Variants in PPM1L observed in about 807,000 individuals in gnomAD.
PPM1L encodes the protein protein phosphatase 1L.
A neutral mutation model predicts 31.4 loss-of-function variants in PPM1L; 13 were observed. That is an observed-to-expected ratio of 0.41 (90% confidence interval 0.27 to 0.66). The LOEUF (loss-of-function observed/expected upper bound fraction) is 0.66, where lower values mean the gene tolerates loss of function less well. PPM1L is among the 30% of genes least tolerant of loss of function. PPM1L has a pLI of 0.29. For missense variants in PPM1L, 326 were observed against 453.7 expected, an observed-to-expected ratio of 0.72 and a Z score of 2.56; for synonymous variants, 184 against 175.4, an observed-to-expected ratio of 1.05 and a Z score of -0.39.
chr3:161,074,945 A>G lies in PPM1L; in HGVS notation c.*5788A>G, dbSNP rs1576630804. The G allele has an allele frequency of 6.6e-6, 1 of 152,222 alleles. No individual in the cohort carries two copies. Among genetic ancestry groups the G allele is most frequent in the East Asian group, 1.9e-4 (1 of 5,174 alleles). The allele number at this position is 152,222 out of a possible 1,614,324, so 9.4% of individuals were successfully genotyped here. ...AAGTCCTATAACCTTGCATTATTTA[A>G]ACACAAAATCCCACCTAACATTTGC... On this transcript the variant is annotated 3_prime_UTR_variant, in exon 4 of 4. Transcript: ENST00000498165.
At chr3:161,037,945 TGAC>T in intron 2 of PPM1L, among the ~76,000 whole-genome samples, 1 of 152,116 alleles carries the variant, frequency 6.6e-6, no homozygotes, top group Admixed American at 6.5e-5. Flanking sequence ...TAAAAATGTA[TGAC>T]AGTGGCCGGG....
chr3:160,852,926 G>A (rs1438436711), intron 1 of PPM1L, among the ~76,000 whole-genome samples: 1 of 152,132 alleles, frequency 6.6e-6, no homozygotes, highest in Non-Finnish European at 1.5e-5. Context: ...TAAACTTGGT[G>A]GCTTAAAACA....
intron 2 of PPM1L, among the ~76,000 whole-genome samples, chr3:161,039,314 C>T (rs1718840168): frequency 6.6e-6 from 1 of 152,084 alleles, no homozygotes. Context: ...TGCCTCTCAC[C>T]AATTAAGAAT....
At chr3:160,825,511 G>T (rs1713329825) in intron 1 of PPM1L, among the ~76,000 whole-genome samples, 2 of 152,068 alleles carry the variant, frequency 1.3e-5, no homozygotes, top group African/African-American at 2.4e-5. Flanking sequence ...TGCATCCTCT[G>T]ATCTCATGAG....
At chr3:160,758,632 G>A (rs556227874) in intron 1 of PPM1L, among the ~76,000 whole-genome samples, 2 of 152,242 alleles carry the variant, frequency 1.3e-5, no homozygotes, top group East Asian at 3.9e-4. Context: ...AGTTGATACT[G>A]TAAAACCTGA....
At chr3:160,772,550 T>C (rs936742308) in intron 1 of PPM1L, among the ~76,000 whole-genome samples, 4 of 152,210 alleles carry the variant, frequency 2.6e-5, no homozygotes, top group African/African-American at 9.6e-5. Flanking sequence ...TTTAAAAATA[T>C]CTTTACTGAA....
At chr3:160,772,478 A>G (rs1284411281) in intron 1 of PPM1L, among the ~76,000 whole-genome samples, 1 of 152,216 alleles carries the variant, frequency 6.6e-6, no homozygotes, top group Non-Finnish European at 1.5e-5. Context: ...TTTATGATAA[A>G]GGGAGAAGGT....
At position 161,072,157 on chromosome 3, in the gene PPM1L, G is replaced by A. The variant is rs1719944237; in HGVS notation, c.*3000G>A. The stretch of plus-strand genomic sequence containing the variant: ...CTAGGGAAATTTTTTTTAATTAATT[G>A]TATCTAAAATTCTTTCATCATAGGA... On this transcript the variant is annotated 3_prime_UTR_variant, in exon 4 of 4. Transcript: ENST00000498165. 6.6e-6 allele frequency: 1 copy of A among 152,212 alleles called. No individual in the cohort carries two copies. The highest frequency in any genetic ancestry group is 2.1e-4 in the South Asian group (1 of 4,824). 9.4% of individuals were successfully genotyped at this position (152,212 alleles called of 1,614,324 possible).
rs142775468 is a variant in PPM1L at position 160,857,159 on chromosome 3, C to T, written c.399+100452C>T. Among the ~76,000 whole-genome samples, 338 of 152,232 alleles carry T rather than the reference C, an allele frequency of 2.2e-3. 2 individuals carry two copies. Among genetic ancestry groups the T allele is most frequent in the African/African-American group, 7.7e-3 (320 of 41,560 alleles). Reference sequence around the variant, plus strand: ...ATGCCTTTTGTTTCCAGGAAAAATACGGAAATTTTTTTTGCTTCCAAAAGG... The same window carrying T: ...ATGCCTTTTGTTTCCAGGAAAAATATGGAAATTTTTTTTGCTTCCAAAAGG... On this transcript the variant is annotated intron_variant, in intron 1 of 3. Coordinates refer to ENST00000498165, the MANE Select transcript of PPM1L (RefSeq NM_139245.4).
intron 1 of PPM1L, among the ~76,000 whole-genome samples, chr3:160,764,798 T>A (rs1715064743): frequency 1.3e-5 from 2 of 152,154 alleles, no homozygotes; most frequent in Non-Finnish European, 1.5e-5. Context: ...ATATTTTGAG[T>A]GTATTTTTTA....
intron 1 of PPM1L, among the ~76,000 whole-genome samples, chr3:160,919,427 A>T (rs540685719): frequency 6.6e-6 from 1 of 152,068 alleles, no homozygotes; most frequent in African/African-American, 2.4e-5. Context: ...GCACACAAAA[A>T]TTTTTCTTAA....
chr3:160,954,579 G>A (rs899704831), intron 1 of PPM1L, among the ~76,000 whole-genome samples: 1 of 151,922 alleles, frequency 6.6e-6, no homozygotes, highest in Admixed American at 6.6e-5. Context: ...GCCCAGGCTG[G>A]TCTTGATCTC....
chr3:160,909,461 G>C (rs1020968402), intron 1 of PPM1L, among the ~76,000 whole-genome samples: 2 of 152,176 alleles, frequency 1.3e-5, no homozygotes, highest in African/African-American at 4.8e-5. Flanking sequence ...TTAAGTTTGA[G>C]GTATTAGCAC....
chr3:160,819,188 A>G (rs1713117800), intron 1 of PPM1L, among the ~76,000 whole-genome samples: 1 of 152,038 alleles, frequency 6.6e-6, no homozygotes, highest in Non-Finnish European at 1.5e-5. Flanking sequence ...ACTTGATTTC[A>G]CTTGGCCTAA....
chr3:161,072,481 C>CAT lies in PPM1L; in HGVS notation c.*3325_*3326dup, dbSNP rs1719958291. The stretch of plus-strand genomic sequence containing the variant: ...TTATTTCATACAAGTGTAATTATTA[C>CAT]ATCATTTTGGGTAAATGGCAAACAG... On this transcript the variant is annotated 3_prime_UTR_variant, in exon 4 of 4. Transcript: ENST00000498165. 6.6e-6 allele frequency: 1 copy of CAT among 152,324 alleles called. No homozygotes were observed. The highest frequency in any genetic ancestry group is 2.4e-5 in the African/African-American group (1 of 41,576). 9.4% of individuals were successfully genotyped at this position (152,324 alleles called of 1,614,324 possible).
chr3:160,854,358 G>A (rs574410992), intron 1 of PPM1L, among the ~76,000 whole-genome samples: 3 of 152,278 alleles, frequency 2.0e-5, no homozygotes, highest in Non-Finnish European at 2.9e-5. Flanking sequence ...GATAAAGATG[G>A]TGGAATGTAT....
intron 2 of PPM1L, among the ~76,000 whole-genome samples, chr3:161,004,721 T>C (rs1464260781): frequency 6.7e-6 from 1 of 149,374 alleles, no homozygotes; most frequent in Non-Finnish European, 1.5e-5. Context: ...TCTATTTGAT[T>C]CTTCTCTCTT....
intron 1 of PPM1L, among the ~76,000 whole-genome samples, chr3:160,915,157 C>T (rs1177866207): frequency 9.2e-5 from 14 of 152,130 alleles, no homozygotes; most frequent in Admixed American, 9.2e-4. Context: ...ATCTAGAAAA[C>T]CCCATCGTCT....
chr3:161,066,697 G>A (rs1411017132), intron 3 of PPM1L, among the ~76,000 whole-genome samples: 3 of 152,198 alleles, frequency 2.0e-5, no homozygotes, highest in Admixed American at 2.0e-4. Flanking sequence ...CTGTCAGAGG[G>A]GAGCAAGCGG....
Sources: allele counts gnomAD v4.1 joint callset (sites outside exome capture counted in the v4.1 genomes callset), GRCh38; gene constraint gnomAD v4.1.1; transcripts MANE v1.5; gene names NCBI Gene and HGNC (gene_info 2026-07-23, HGNC 2026-07-21).